The following ENOX1 variants were observed in gnomAD, a reference collection of about 807,000 sequenced individuals.
ENOX1 encodes ecto-NOX disulfide-thiol exchanger 1.
A neutral mutation model predicts 82.5 loss-of-function variants in ENOX1; 42 were observed. The observed-to-expected ratio is 0.51, with a 90% CI of 0.40 to 0.66. The LOEUF is 0.66. Ranked by LOEUF, ENOX1 falls within the 30% of genes least tolerant of loss-of-function variation. ENOX1 has a pLI of 0.00. For synonymous variants in ENOX1, 271 were observed against 282.2 expected (o/e 0.96, Z 0.40); for missense variants, 608 against 811.6 (o/e 0.75, Z 3.05).
intron 14 of ENOX1, among the ~76,000 whole-genome samples, chr13:43,242,735 AT>A (rs2042896855): frequency 6.6e-6 from 1 of 152,346 alleles, no homozygotes; most frequent in African/African-American, 2.4e-5. Context: ...CATTAGCTTT[AT>A]AGAGGTGACA....
intron 2 of ENOX1, among the ~76,000 whole-genome samples, chr13:43,508,378 C>T (rs1032822759): frequency 6.6e-6 from 1 of 151,980 alleles, no homozygotes; most frequent in Non-Finnish European, 1.5e-5. Context: ...CTGCCAGCAC[C>T]ATGATCTTGT....
At chr13:43,238,079 CAG>C (rs2042637095) in intron 14 of ENOX1, among the ~76,000 whole-genome samples, 1 of 152,170 alleles carries the variant, frequency 6.6e-6, no homozygotes. Context: ...TGATATATCA[CAG>C]GGAAGAACTT....
chr13:43,506,192 T>TA (rs1272677041), intron 2 of ENOX1, among the ~76,000 whole-genome samples: 1 of 152,002 alleles, frequency 6.6e-6, no homozygotes, highest in Non-Finnish European at 1.5e-5. Flanking sequence ...GCATGATGCC[T>TA]CCAGCTTTGT....
At chr13:43,695,002 T>G (rs528181195) in intron 1 of ENOX1, among the ~76,000 whole-genome samples, 11 of 152,264 alleles carry the variant, frequency 7.2e-5, no homozygotes, top group Admixed American at 2.6e-4. Flanking sequence ...CTTGCGACGA[T>G]AGAAAACACA....
intron 2 of ENOX1, among the ~76,000 whole-genome samples, chr13:43,510,825 T>A (rs987443470): frequency 6.6e-6 from 1 of 152,068 alleles, no homozygotes; most frequent in Non-Finnish European, 1.5e-5. Flanking sequence ...ACTTATAGGG[T>A]TGTGATAATT....
intron 2 of ENOX1, among the ~76,000 whole-genome samples, chr13:43,524,133 C>A (rs2077890832): frequency 6.6e-6 from 1 of 152,156 alleles, no homozygotes; most frequent in Non-Finnish European, 1.5e-5. Flanking sequence ...AGCCTTCAGA[C>A]CCCTTTAGTC....
intron 11 of ENOX1, among the ~76,000 whole-genome samples, chr13:43,308,633 C>A (rs973944571): frequency 1.3e-5 from 2 of 152,200 alleles, no homozygotes; most frequent in African/African-American, 4.8e-5. Flanking sequence ...CCTCACATTA[C>A]AGGCCAGTGG....
At chr13:43,532,705 C>T (rs2078283585) in intron 2 of ENOX1, among the ~76,000 whole-genome samples, 1 of 152,018 alleles carries the variant, frequency 6.6e-6, no homozygotes, top group African/African-American at 2.4e-5. Context: ...AATAGTAATG[C>T]AGCTACGAGG....
chr13:43,403,707 GGCACACATCTGTGGTCCCA>G (rs2053625531), intron 5 of ENOX1, among the ~76,000 whole-genome samples: 1 of 151,988 alleles, frequency 6.6e-6, no homozygotes, highest in Non-Finnish European at 1.5e-5. Context: ...AAAATTAGCT[GGCACACATCTGTGGTCCCA>G]GCTACTCGAG....
At chr13:43,387,825 T>C (rs540383052) in intron 5 of ENOX1, among the ~76,000 whole-genome samples, 8 of 151,972 alleles carry the variant, frequency 5.3e-5, no homozygotes, top group Non-Finnish European at 8.8e-5. Context: ...TGCAAAAACA[T>C]AGACAGACAT....
intron 2 of ENOX1, among the ~76,000 whole-genome samples, chr13:43,549,446 T>G (rs1354218167): frequency 6.6e-6 from 1 of 152,224 alleles, no homozygotes; most frequent in Non-Finnish European, 1.5e-5. Context: ...AGTCCCTCTA[T>G]TCAACAAAAA....
chr13:43,579,011 T>A (rs567155240), intron 2 of ENOX1, among the ~76,000 whole-genome samples: 1 of 152,116 alleles, frequency 6.6e-6, no homozygotes, highest in Admixed American at 6.6e-5. Flanking sequence ...TCATTTTTTT[T>A]TTCCTTCTGC....
At chr13:43,297,719 C>G (rs2046354674) in intron 12 of ENOX1, among the ~76,000 whole-genome samples, 1 of 152,162 alleles carries the variant, frequency 6.6e-6, no homozygotes. Context: ...TTAACAATTG[C>G]CATAAATATA....
chr13:43,670,851 AAAC>A (rs59254437), intron 1 of ENOX1, among the ~76,000 whole-genome samples: 10,859 of 150,248 alleles, frequency 0.072, 536 homozygotes, highest in African/African-American at 0.14. Context: ...TCAAACAACA[AAAC>A]AACAACAACA....
chr13:43,545,795 C>T (rs2078948257), intron 2 of ENOX1: 1 of 152,192 alleles, frequency 6.6e-6, no homozygotes, highest in Admixed American at 6.5e-5. Flanking sequence ...GAAGATGTCT[C>T]CTCCAAGCAA....
intron 1 of ENOX1, among the ~76,000 whole-genome samples, chr13:43,709,211 AAATGC>A (rs1330001822): frequency 6.6e-6 from 1 of 152,136 alleles, no homozygotes; most frequent in Non-Finnish European, 1.5e-5. Flanking sequence ...GTTACCTGAG[AAATGC>A]AATTAAAACC....
chr13:43,629,552 A>G (rs1291245742), intron 2 of ENOX1, among the ~76,000 whole-genome samples: 1 of 152,158 alleles, frequency 6.6e-6, no homozygotes, highest in Non-Finnish European at 1.5e-5. Context: ...ATTTAGTGGG[A>G]GGAATAGGAA....
At chr13:43,589,216 G>GAAAA (rs58912569) in intron 2 of ENOX1, among the ~76,000 whole-genome samples, 28 of 79,768 alleles carry the variant, frequency 3.5e-4, no homozygotes, top group African/African-American at 5.3e-4. Flanking sequence ...GACATTAATG[G>GAAAA]AAAAAAAAAA....
intron 2 of ENOX1, among the ~76,000 whole-genome samples, chr13:43,660,414 T>C (rs2084661409): frequency 6.6e-6 from 1 of 152,226 alleles, no homozygotes; most frequent in South Asian, 2.1e-4. Context: ...TGCATTGACA[T>C]TGAAATGGGG....
Sources: allele counts gnomAD v4.1 joint callset (sites outside exome capture counted in the v4.1 genomes callset), GRCh38; gene constraint gnomAD v4.1.1; transcripts MANE v1.5; gene names NCBI Gene and HGNC (gene_info 2026-07-23, HGNC 2026-07-21).